The following SMAP1 variants were observed in gnomAD, a reference collection of about 807,000 sequenced individuals.
The protein encoded by SMAP1 is stromal membrane-associated protein 1.
In SMAP1, 24 loss-of-function variants were observed where a neutral mutation model predicts 58.5. The ratio of observed to expected loss-of-function variants is 0.41; its 90% CI spans 0.30 to 0.58. SMAP1 has a LOEUF of 0.58. Among genes scored for constraint, SMAP1 ranks in the 20% least tolerant of loss-of-function variants. SMAP1 has a pLI of 0.29. For missense variants in SMAP1, 563 were observed against 566.3 expected, an observed-to-expected ratio of 0.99 and a Z score of 0.06; for synonymous variants, 216 against 196.6, an observed-to-expected ratio of 1.10 and a Z score of -0.82.
At chr6:70,739,141 A>G (rs899969179) in intron 2 of SMAP1, among the ~76,000 whole-genome samples, 4 of 152,158 alleles carry the variant, frequency 2.6e-5, no homozygotes, top group Non-Finnish European at 5.9e-5. Context: ...CTTAGAGCGG[A>G]TTCCAAGAAT....
At chr6:70,705,302 A>T (rs935194127) in intron 1 of SMAP1, among the ~76,000 whole-genome samples, 1 of 147,250 alleles carries the variant, frequency 6.8e-6, no homozygotes. Context: ...CCCAGACTGG[A>T]GTGAAGTGGT....
chr6:70,834,701 C>G (rs181189466), intron 6 of SMAP1, among the ~76,000 whole-genome samples: 4 of 152,130 alleles, frequency 2.6e-5, no homozygotes, highest in African/African-American at 9.7e-5. Context: ...CGTGGCCACA[C>G]GATTCTCAGA....
chr6:70,856,821 A>C (rs201533441), intron 8 of SMAP1, 38 bp from the exon 9 acceptor site: 10 of 1,555,336 alleles, frequency 6.4e-6, no homozygotes, highest in Non-Finnish European at 1.7e-6. Flanking sequence ...GCGCTTTACT[A>C]TGCAGAATTT....
chr6:70,681,232 A>G (rs113885430), intron 1 of SMAP1, among the ~76,000 whole-genome samples: 6 of 152,220 alleles, frequency 3.9e-5, no homozygotes, highest in African/African-American at 1.4e-4. Context: ...CAGCCTTGGC[A>G]AAATGACGAA....
intron 6 of SMAP1, among the ~76,000 whole-genome samples, chr6:70,800,209 G>C (rs527789547): frequency 2.6e-5 from 4 of 152,096 alleles, no homozygotes; most frequent in African/African-American, 9.6e-5. Flanking sequence ...CTTGAACCCA[G>C]GAGTTTGAGG....
At position 70,858,495 on chromosome 6, in the gene SMAP1, C is replaced by T. The variant is rs117679758; in HGVS notation, c.1269+266C>T. ...ATTTCAAATTGTAATGTAACTGTAA[C>T]GTGAACACCACTAATGGCCAGAAAT... On this transcript the variant is annotated intron_variant, in intron 10 of 10. Coordinates refer to ENST00000370455, the MANE Select transcript of SMAP1 (RefSeq NM_001044305.3). The T allele has an allele frequency of 3.0e-4, 89 of 294,048 alleles. No individual in the cohort carries two copies. The East Asian group carries it at 5.0e-3, about 17-fold the overall frequency. The allele number at this position is 294,048 out of a possible 1,614,324, so 18.2% of individuals were successfully genotyped here.
At chr6:70,775,642 A>G (rs12202909) in intron 4 of SMAP1, among the ~76,000 whole-genome samples, 36,531 of 152,158 alleles carry the variant, frequency 0.24, 5,437 homozygotes, top group Non-Finnish European at 0.33. Context: ...AATGATGTTT[A>G]TAGAGGTATT....
intron 6 of SMAP1, among the ~76,000 whole-genome samples, chr6:70,825,625 C>T (rs915602984): frequency 3.3e-5 from 5 of 152,090 alleles, no homozygotes; most frequent in African/African-American, 1.2e-4. Context: ...CAGGAGCTTA[C>T]CATTGTCAAG....
chr6:70,775,486 A>C (rs1461400239), intron 4 of SMAP1, among the ~76,000 whole-genome samples: 1 of 152,166 alleles, frequency 6.6e-6, no homozygotes, highest in Non-Finnish European at 1.5e-5. Flanking sequence ...CTTCATTTAT[A>C]AGATACGTGG....
At chr6:70,762,883 A>C (rs962643093) in intron 3 of SMAP1, among the ~76,000 whole-genome samples, 7 of 152,072 alleles carry the variant, frequency 4.6e-5, no homozygotes, top group Admixed American at 3.9e-4. Flanking sequence ...TATAAAATAC[A>C]TTAAATATAA....
At chr6:70,696,734 G>A (rs1239404686) in intron 1 of SMAP1, among the ~76,000 whole-genome samples, 2 of 152,158 alleles carry the variant, frequency 1.3e-5, no homozygotes, top group Non-Finnish European at 2.9e-5. Flanking sequence ...TGGATGAAAT[G>A]TTTTGCAGAT....
intron 7 of SMAP1, among the ~76,000 whole-genome samples, chr6:70,838,187 A>G (rs1770672990): frequency 6.6e-6 from 1 of 152,214 alleles, no homozygotes; most frequent in African/African-American, 2.4e-5. Flanking sequence ...AAACTTTAGT[A>G]TATCATTATC....
intron 6 of SMAP1, among the ~76,000 whole-genome samples, chr6:70,833,229 T>G (rs927550717): frequency 5.3e-5 from 8 of 152,226 alleles, no homozygotes; most frequent in African/African-American, 1.9e-4. Context: ...GTGAGGTTAA[T>G]TTCTTATGTT....
chr6:70,768,128 G>A (rs1167150257), intron 3 of SMAP1, among the ~76,000 whole-genome samples: 1 of 152,138 alleles, frequency 6.6e-6, no homozygotes, highest in Non-Finnish European at 1.5e-5. Flanking sequence ...TTAAGTTTTT[G>A]ATGTGCTGCT....
intron 6 of SMAP1, among the ~76,000 whole-genome samples, chr6:70,825,417 AACT>A (rs989821804): frequency 6.6e-6 from 1 of 152,242 alleles, no homozygotes; most frequent in Non-Finnish European, 1.5e-5. Context: ...TATTATCAAA[AACT>A]ACTTTTTTTT....
At chr6:70,708,081 C>T (rs1250251736) in intron 1 of SMAP1, among the ~76,000 whole-genome samples, 1 of 152,108 alleles carries the variant, frequency 6.6e-6, no homozygotes, top group East Asian at 1.9e-4. Flanking sequence ...AGCAATCTTA[C>T]ATAGCTGTAA....
At chr6:70,698,035 ACAT>A (rs978358762) in intron 1 of SMAP1, among the ~76,000 whole-genome samples, 4 of 152,162 alleles carry the variant, frequency 2.6e-5, no homozygotes, top group African/African-American at 9.6e-5. Flanking sequence ...TTGCTCGTTA[ACAT>A]CATTTTCTTT....
intron 2 of SMAP1, among the ~76,000 whole-genome samples, chr6:70,752,524 T>C (rs995976948): frequency 6.6e-6 from 1 of 152,192 alleles, no homozygotes; most frequent in African/African-American, 2.4e-5. Flanking sequence ...CTAATGCTTG[T>C]GTCACTGTAG....
chr6:70,687,633 A>G (rs924656385), intron 1 of SMAP1, among the ~76,000 whole-genome samples: 7 of 152,192 alleles, frequency 4.6e-5, no homozygotes, highest in African/African-American at 1.7e-4. Flanking sequence ...GAGAAACTAT[A>G]ATGTGTGAAT....
Sources: gnomAD v4.1 joint callset for allele counts (sites outside exome capture counted in the v4.1 genomes callset) on GRCh38, gnomAD v4.1.1 for gene constraint, MANE v1.5 for transcripts, NCBI Gene and HGNC (gene_info 2026-07-23, HGNC 2026-07-21) for gene names.